Variants in RTL1 observed in about 807,000 individuals in gnomAD.
RTL1 encodes retrotransposon-like protein 1.
For synonymous variants in RTL1, 727 were observed against 748.4 expected, an observed-to-expected ratio of 0.97 and a Z score of 0.47; for missense variants, 1,681 against 1,767.5, an observed-to-expected ratio of 0.95 and a Z score of 0.88.
chr14:100,897,748 T>TGGGG (rs1566760796), intron 2 of RTL1: 1 of 79,342 alleles, frequency 1.3e-5, no homozygotes, highest in African/African-American at 3.8e-4. Flanking sequence ...TTACCCTGGT[T>TGGGG]GGCGGGGGGG....
intron 2 of RTL1, among the ~76,000 whole-genome samples, chr14:100,896,898 C>G (rs1201249795): frequency 6.6e-6 from 1 of 152,216 alleles, no homozygotes; most frequent in Non-Finnish European, 1.5e-5. Context: ...CCGCCTGGCC[C>G]CATCTCATGT....
Position 100,882,636 on chromosome 14 carries a change from A to T in RTL1, c.2153T>A (p.Phe718Tyr), listed in dbSNP as rs1275568044. 3 of 1,551,824 alleles carry T rather than the reference A, an allele frequency of 1.9e-6. No individual in the cohort carries two copies. The highest frequency in any genetic ancestry group is 8.7e-7 in the Non-Finnish European group (1 of 1,147,078). The change falls in exon 4 of 4, where the codon TTC becomes TAC. Residue 718 changes from phenylalanine (F) to tyrosine (Y), a missense_variant. By Grantham distance (22) the Phe-to-Tyr change is conservative. Coordinates refer to ENST00000649591, the MANE Select transcript of RTL1 (RefSeq NM_001134888.3). Reference sequence around the variant, plus strand: ...GAACCCTAGCATGTCCTTTAGGATGAAGTGAATCACGTTCTGAGGTATGAT... The same window carrying T: ...GAACCCTAGCATGTCCTTTAGGATGTAGTGAATCACGTTCTGAGGTATGAT... Reference protein sequence around the residue: ...DPIIPQNVIHFILKDMLGFFV... With the variant: ...DPIIPQNVIHYILKDMLGFFV...
chr14:100,897,773 G>A, intron 2 of RTL1: 1 of 144,834 alleles, frequency 6.9e-6, no homozygotes, highest in South Asian at 1.1e-4. Context: ...TGGGGGGGTG[G>A]GGGGCGGGGG....
chr14:100,883,636 G>A lies in RTL1; in HGVS notation c.1153C>T (p.Pro385Ser). 1 of 1,551,398 alleles carries A rather than the reference G, an allele frequency of 6.4e-7. No homozygotes were observed. The highest frequency in any genetic ancestry group is 8.7e-7 in the Non-Finnish European group (1 of 1,146,946). Residue 385 changes from proline to serine, a missense_variant, in exon 4 of 4, where the codon CCT (proline) becomes TCT (serine). Transcript: ENST00000649591. This position sits in a 1 kb window ranked among gnomAD's most constrained non-coding sequence, Gnocchi z 5.9. ...RPRNLTWIDS[P>S]APERWMVSSW... ...CTGACCATCCACCTCTCTGGAGCAG[G>A]TGAGTCGATCCAGGTCAGGTTCCGG...
chr14:100,882,244 C>T lies in RTL1; in HGVS notation c.2545G>A (p.Glu849Lys). ...SSYQFYWGVE[E>K]QEAFECLKRA... Reference sequence around the variant, plus strand: ...TTCAGGCACTCGAAGGCCTCTTGCTCCTCGACTCCCCAGTAGAACTGGTAG... The same window carrying T: ...TTCAGGCACTCGAAGGCCTCTTGCTTCTCGACTCCCCAGTAGAACTGGTAG... Residue 849 changes from glutamate (E) to lysine (K), a missense_variant, in exon 4 of 4, where the codon GAG (glutamate) becomes AAG (lysine). Transcript: ENST00000649591. The T allele has an allele frequency of 6.4e-7, 1 of 1,551,450 alleles. No individual in the cohort carries two copies.
In RTL1 at chr14:100,884,478, T is replaced by C; in HGVS notation, c.311A>G (p.Asn104Ser). The change falls in exon 4 of 4, where the codon AAC becomes AGC. Residue 104 changes from asparagine (N) to serine (S), a missense_variant. By Grantham distance (46) the Asn-to-Ser change is conservative. Transcript: ENST00000649591. ...DLLQDLEESC[N>S]GSHQARGDPL... is the part of the protein sequence containing the mutation. ...ATCCCCCCTTGCCTGGTGTGAACCG[T>C]TGCATGACTCCTCCAGGTCTTGGAG... The C allele has an allele frequency of 6.2e-7, 1 of 1,614,156 alleles. No homozygotes were observed. The highest frequency in any genetic ancestry group is 8.5e-7 in the Non-Finnish European group (1 of 1,180,024).
chr14:100,892,494 G>C (rs74082829), intron 3 of RTL1, among the ~76,000 whole-genome samples: 1 of 152,244 alleles, frequency 6.6e-6, no homozygotes, highest in East Asian at 1.9e-4. Flanking sequence ...TCTTACGACT[G>C]TTACTTCCAG....
intron 3 of RTL1, among the ~76,000 whole-genome samples, chr14:100,889,931 A>G (rs982819503): frequency 2.6e-5 from 4 of 152,178 alleles, no homozygotes; most frequent in East Asian, 3.9e-4. Flanking sequence ...CTGGCCTGCC[A>G]TAGCCTGGGC....
chr14:100,884,828 G>A lies in RTL1; in HGVS notation c.-40C>T, dbSNP rs1413427973. On this transcript the variant is annotated 5_prime_UTR_variant, in exon 4 of 4. Transcript: ENST00000649591. ...AGGAGTGTATTCTGAAGATTGGTAA[G>A]GTTGTGATGGCGTCCAGTCAGTAGC... The A allele has an allele frequency of 1.1e-5, 17 of 1,514,494 alleles. No individual in the cohort carries two copies. The Admixed American group carries it at 3.7e-4, about 33-fold the overall frequency. 93.8% of individuals were successfully genotyped at this position (1,514,494 alleles called of 1,614,324 possible). A position where few individuals can be genotyped will look rare whatever the true frequency, so the allele number is the denominator to read the frequency against.
chr14:100,882,720 A>G lies in RTL1; in HGVS notation c.2069T>C (p.Phe690Ser), dbSNP rs2038636136. The change falls in exon 4 of 4, where the codon TTT (phenylalanine) becomes TCT (serine). Residue 690 changes from phenylalanine to serine, a missense_variant. Phe to Ser is a radical substitution (Grantham distance 155, BLOSUM62 -2). Coordinates refer to ENST00000649591, the MANE Select transcript of RTL1 (RefSeq NM_001134888.3). ...CTTCATCTCTTCAAGCTCCAAACCAAACGCTGCTTTCCACACATCTTCGGT... is the reference window on the plus strand; with the variant it reads ...CTTCATCTCTTCAAGCTCCAAACCAGACGCTGCTTTCCACACATCTTCGGT... ...HRTEDVWKAA[F>S]GLELEEMKSY... 7 of 1,551,856 alleles carry G rather than the reference A, an allele frequency of 4.5e-6. No homozygotes were observed. Among genetic ancestry groups the G allele is most frequent in the Non-Finnish European group, 6.1e-6 (7 of 1,147,032 alleles).
At chr14:100,895,213 T>C (rs924689958) in intron 2 of RTL1, among the ~76,000 whole-genome samples, 1 of 152,218 alleles carries the variant, frequency 6.6e-6, no homozygotes, top group East Asian at 1.9e-4. Flanking sequence ...ATCACCATGA[T>C]ATACAGATGT....
chr14:100,887,432 A>G (rs35478565), intron 3 of RTL1, among the ~76,000 whole-genome samples: 22,737 of 152,228 alleles, frequency 0.15, 2,348 homozygotes, highest in Middle Eastern at 0.3. Flanking sequence ...TACCCAAGAC[A>G]AAATTTCTGC....
rs34184456 is a variant in RTL1, at chr14:100,880,315, A to G, written c.*397T>C. Among the ~76,000 whole-genome samples the G allele has an allele frequency of 0.58, 87,745 of 151,568 alleles. 26,048 individuals are homozygous for G. Among genetic ancestry groups the G allele is most frequent in the Middle Eastern group, 0.69 (204 of 294 alleles). On this transcript the variant is annotated 3_prime_UTR_variant, in exon 4 of 4. Transcript: ENST00000649591. ...AGGTCAGTGTCCCAGGGTGGCCATC[A>G]CCAGGCCGGGTGGGGGGCCCCGTCA...
Position 100,883,969 on chromosome 14 carries a change from T to C in RTL1, c.820A>G (p.Met274Val), listed in dbSNP as rs2038659605. 6.4e-7 allele frequency: 1 copy of C among 1,551,552 alleles called. No individual in the cohort carries two copies. The highest frequency in any genetic ancestry group is 1.4e-5 in the African/African-American group (1 of 73,048). Residue 274 changes from methionine (M) to valine (V), a missense_variant, in exon 4 of 4, where the codon ATG (methionine) becomes GTG (valine). By Grantham distance (21) the Met-to-Val change is conservative. Transcript: ENST00000649591. This position sits in a 1 kb window ranked among gnomAD's most constrained non-coding sequence, Gnocchi z 5.9. ...IGDFPAFLEA[M>V]SEVFEYRQAL... Reference sequence around the variant, plus strand: ...TGGCGGTACTCAAACACTTCGGACATGGCCTCCAGGAAGGCTGGGAAGTCT... The same window carrying C: ...TGGCGGTACTCAAACACTTCGGACACGGCCTCCAGGAAGGCTGGGAAGTCT...
Position 100,881,869 on chromosome 14 carries a change from A to G in RTL1, c.2920T>C (p.Phe974Leu), listed in dbSNP as rs906055781. 8.1e-6 allele frequency: 13 copies of G among 1,613,586 alleles called. No homozygotes were observed. The highest frequency in any genetic ancestry group is 5.1e-6 in the Non-Finnish European group (6 of 1,180,044). Residue 974 changes from phenylalanine (F) to leucine (L), a missense_variant, in exon 4 of 4, where the codon TTC becomes CTC. Transcript: ENST00000649591. This position sits in a 1 kb window ranked among gnomAD's most constrained non-coding sequence, Gnocchi z 6.6. ...ATGACGTCAAAGTTGAAGTGGGAGA[A>G]GAAGAAGACCCAATGCCCGGGGAGA... ...VLLPGHWVFF[F>L]SHFNFDVMEL...
Position 100,881,409 on chromosome 14 carries a change from A to T in RTL1, c.3380T>A (p.Ile1127Asn). ...RPQPQRSLRL[I>N]LDSSLIAGSS... Reference sequence around the variant, plus strand: ...GCCTGCGATGAGGGACGAATCCAGGATGAGTCGTAGGGAGCGCTGGGGCTG... The same window carrying T: ...GCCTGCGATGAGGGACGAATCCAGGTTGAGTCGTAGGGAGCGCTGGGGCTG... The change falls in exon 4 of 4, where the codon ATC (isoleucine) becomes AAC (asparagine). Residue 1127 changes from isoleucine (I) to asparagine (N), a missense_variant. By Grantham distance (149) the Ile-to-Asn change is moderately radical. Coordinates refer to ENST00000649591, the MANE Select transcript of RTL1 (RefSeq NM_001134888.3). This position sits in a 1 kb window ranked among gnomAD's most constrained non-coding sequence, Gnocchi z 6.6. 1 of 1,550,760 alleles carries T rather than the reference A, an allele frequency of 6.4e-7. No individual in the cohort carries two copies. The highest frequency in any genetic ancestry group is 8.7e-7 in the Non-Finnish European group (1 of 1,146,952).
chr14:100,884,001 A>T lies in RTL1; in HGVS notation c.788T>A (p.Leu263Gln). 6.4e-7 allele frequency: 1 copy of T among 1,551,708 alleles called. No homozygotes were observed. Among genetic ancestry groups the T allele is most frequent in the African/African-American group, 1.4e-5 (1 of 73,180 alleles). Residue 263 changes from leucine to glutamine, a missense_variant, in exon 4 of 4, where the codon CTG becomes CAG. Leu to Gln is a moderately radical substitution (Grantham distance 113). Transcript: ENST00000649591. Reference protein sequence around the residue: ...AKALLQENSPLIGDFPAFLEA... With the variant: ...AKALLQENSPQIGDFPAFLEA... ...CAGGAAGGCTGGGAAGTCTCCGATCAGGGGGCTGTTTTCCTGCAGTAGAGC... is the reference window on the plus strand; with the variant it reads ...CAGGAAGGCTGGGAAGTCTCCGATCTGGGGGCTGTTTTCCTGCAGTAGAGC...
In RTL1 at chr14:100,881,806, G is replaced by A. The variant is rs771468859; in HGVS notation, c.2983C>T (p.Pro995Ser). ...CTCCTCCACCGGAGGTTTCTCACAG[G>A]TGGCAGAGCTCGGCCGCCGTCTTGT... Reference protein sequence around the residue: ...PEQDGGRALPPVRNLRWRRAF... With the variant: ...PEQDGGRALPSVRNLRWRRAF... Residue 995 changes from proline to serine, a missense_variant, in exon 4 of 4, where the codon CCT becomes TCT. Coordinates refer to ENST00000649591, the MANE Select transcript of RTL1 (RefSeq NM_001134888.3). This position sits in a 1 kb window ranked among gnomAD's most constrained non-coding sequence, Gnocchi z 6.6. 4 of 1,613,876 alleles carry A rather than the reference G, an allele frequency of 2.5e-6. No individual in the cohort carries two copies. The highest frequency in any genetic ancestry group is 3.4e-6 in the Non-Finnish European group (4 of 1,180,028).
Position 100,883,779 on chromosome 14 carries a change from T to C in RTL1, c.1010A>G (p.Tyr337Cys). 6.4e-7 allele frequency: 1 copy of C among 1,551,668 alleles called. No individual in the cohort carries two copies. The highest frequency in any genetic ancestry group is 8.7e-7 in the Non-Finnish European group (1 of 1,146,980). Residue 337 changes from tyrosine to cysteine, a missense_variant, in exon 4 of 4, where the codon TAT (tyrosine) becomes TGT (cysteine). Transcript: ENST00000649591. This position sits in a 1 kb window ranked among gnomAD's most constrained non-coding sequence, Gnocchi z 5.9. Reference sequence around the variant, plus strand: ...ATCCGGCTGAGGGACCCGGAATAGATAGTGCCTGATCTCCTCGTTGAGCCC... The same window carrying C: ...ATCCGGCTGAGGGACCCGGAATAGACAGTGCCTGATCTCCTCGTTGAGCCC... Reference protein sequence around the residue: ...CQGLNEEIRHYLFRVPQPDSL... With the variant: ...CQGLNEEIRHCLFRVPQPDSL...
Sources: allele counts gnomAD v4.1 joint callset (sites outside exome capture counted in the v4.1 genomes callset), GRCh38; gene constraint gnomAD v4.1.1; non-coding constraint Gnocchi (gnomAD v3.1); transcripts MANE v1.5; gene names NCBI Gene and HGNC (gene_info 2026-07-23, HGNC 2026-07-21).